Variants in HIPK2 observed in about 807,000 individuals in gnomAD.
HIPK2 encodes the protein homeodomain interacting protein kinase 2, also known as homeodomain-interacting protein kinase 2.
Under a neutral mutation model 113.7 loss-of-function variants are expected in HIPK2, and 27 were observed. That is an observed-to-expected ratio of 0.24 (90% CI 0.17 to 0.33). The LOEUF (loss-of-function observed/expected upper bound fraction) is 0.33. Among genes scored for constraint, HIPK2 ranks in the 10% least tolerant of loss-of-function variants. HIPK2 has a pLI of 1.00. For synonymous variants in HIPK2, 631 were observed against 642.2 expected (o/e 0.98, Z 0.26); for missense variants, 1,257 against 1,588.0 (o/e 0.79, Z 3.54).
chr7:139,770,049 T>C (rs1330601905), intron 1 of HIPK2, among the ~76,000 whole-genome samples: 1 of 152,224 alleles, frequency 6.6e-6, no homozygotes, highest in Non-Finnish European at 1.5e-5. Flanking sequence ...TGACACTTAC[T>C]ATCCTCCAGA....
At chr7:139,743,919 T>A (rs1415356650) in intron 1 of HIPK2, among the ~76,000 whole-genome samples, 3 of 152,150 alleles carry the variant, frequency 2.0e-5, no homozygotes, top group African/African-American at 4.8e-5. Flanking sequence ...TATAAAGAAC[T>A]CTTACAACTC....
intron 2 of HIPK2, among the ~76,000 whole-genome samples, chr7:139,635,953 C>G (rs1050649054): frequency 2.0e-5 from 3 of 152,220 alleles, no homozygotes; most frequent in African/African-American, 7.2e-5. Context: ...GTTCTCAGCT[C>G]CCCTTCAAGG....
In HIPK2 at chr7:139,571,318, G is replaced by C. The variant is rs1274379630; in HGVS notation, c.*1609C>G. On this transcript the variant is annotated 3_prime_UTR_variant, in exon 15 of 15. Transcript: ENST00000406875. Reference sequence around the variant, plus strand: ...GAGAGCTCCAGGCTCTCGTGGAGGCGGGAGGGACTGGGGGATGCCGCCTGG... The same window carrying C: ...GAGAGCTCCAGGCTCTCGTGGAGGCCGGAGGGACTGGGGGATGCCGCCTGG... The C allele has an allele frequency of 6.6e-6, 1 of 152,350 alleles. No homozygotes were observed. Among genetic ancestry groups the C allele is most frequent in the Non-Finnish European group, 1.5e-5 (1 of 68,142 alleles). The allele number at this position is 152,350 out of a possible 1,614,324, so 9.4% of individuals were successfully genotyped here. A position where few individuals can be genotyped will look rare whatever the true frequency, so the allele number is the denominator to read the frequency against.
In HIPK2 at chr7:139,714,435, G is replaced by C. The variant is rs955216979; in HGVS notation, c.1103+1497C>G. On this transcript the variant is annotated intron_variant, in intron 2 of 14. Transcript: ENST00000406875. This position sits in a 1 kb window ranked among gnomAD's most constrained non-coding sequence, Gnocchi z 4.2. ...GCCTGGTGCCCAGCAGGCTGAGGGA[G>C]GGGCTGGGAGGAGACTTGCAACAGC... is the stretch of plus-strand genomic sequence containing the variant. Among the ~76,000 whole-genome samples the C allele has an allele frequency of 1.3e-5, 2 of 152,208 alleles. No homozygotes were observed. The highest frequency in any genetic ancestry group is 1.5e-5 in the Non-Finnish European group (1 of 68,028).
chr7:139,598,816 G>C lies in HIPK2; in HGVS notation c.2435+1601C>G, dbSNP rs1799314060. Among the ~76,000 whole-genome samples, 4 of 152,332 alleles carry C rather than the reference G, an allele frequency of 2.6e-5. 1 individual carries two copies. The South Asian group carries it at 8.3e-4, about 32-fold the overall frequency. ...ACAGAGTAGTGCTCCATGTGACCTT[G>C]CTGGGCATGACAGCCCATGAGGATT... On this transcript the variant is annotated intron_variant, in intron 11 of 14. Transcript: ENST00000406875.
chr7:139,645,803 T>C (rs550249427), intron 2 of HIPK2, among the ~76,000 whole-genome samples: 3 of 152,298 alleles, frequency 2.0e-5, no homozygotes, highest in South Asian at 2.1e-4. Context: ...AATGTGGCCA[T>C]GGCCCGTCTG....
chr7:139,771,888 GA>G (rs777414013), intron 1 of HIPK2, among the ~76,000 whole-genome samples: 2 of 152,304 alleles, frequency 1.3e-5, no homozygotes, highest in South Asian at 4.1e-4. Flanking sequence ...TTGAGTAAAA[GA>G]AAACAAGTTT....
chr7:139,770,979 A>G (rs776001063), intron 1 of HIPK2, among the ~76,000 whole-genome samples: 3 of 152,238 alleles, frequency 2.0e-5, no homozygotes, highest in African/African-American at 4.8e-5. Flanking sequence ...TTCTAAGGGC[A>G]AAGATATCTG....
At chr7:139,652,299 G>T (rs781440925) in intron 2 of HIPK2, among the ~76,000 whole-genome samples, 24 of 152,190 alleles carry the variant, frequency 1.6e-4, no homozygotes, top group Non-Finnish European at 2.8e-4. Flanking sequence ...CGCTGCTCAC[G>T]AGTGGCTTTG....
chr7:139,773,752 G>C (rs1796692738), intron 1 of HIPK2, among the ~76,000 whole-genome samples: 1 of 152,208 alleles, frequency 6.6e-6, no homozygotes, highest in African/African-American at 2.4e-5. Context: ...CCTGGCTTGT[G>C]GTGGGCGAGG....
rs150830944 is a variant in HIPK2, at chr7:139,741,476, A to G, written c.20-24461T>C. 4.6e-5 allele frequency among the ~76,000 whole-genome samples: 7 copies of G among 152,244 alleles called. No homozygotes were observed. In the East Asian group the frequency reaches 1.3e-3, roughly 29 times the overall value. ...TGGCATTATTTTTGTTTTTGAAGATATTGTATTTCAAAAGCAAACTGCTAC... is the reference window on the plus strand; with the variant it reads ...TGGCATTATTTTTGTTTTTGAAGATGTTGTATTTCAAAAGCAAACTGCTAC... On this transcript the variant is annotated intron_variant, in intron 1 of 14. Transcript: ENST00000406875.
At chr7:139,718,971 C>G (rs952098240) in intron 1 of HIPK2, among the ~76,000 whole-genome samples, 3 of 152,096 alleles carry the variant, frequency 2.0e-5, no homozygotes, top group African/African-American at 7.2e-5. Flanking sequence ...ATTGCCTAAT[C>G]CAATGGCCTT....
rs1800153313 is a variant in HIPK2, at chr7:139,619,150, T to A, written c.1782+1251A>T. On this transcript the variant is annotated intron_variant, in intron 7 of 14. Transcript: ENST00000406875. ...GAAAAGCTAGGCCTGAGCAGGCCAA[T>A]GTGCCACAAGGATGGCCTAGGGGAA... Among the ~76,000 whole-genome samples the A allele has an allele frequency of 3.9e-5, 6 of 152,182 alleles. No individual in the cohort carries two copies. The South Asian group carries it at 1.2e-3, about 32-fold the overall frequency.
At chr7:139,605,747 C>A (rs1200093470) in intron 9 of HIPK2, among the ~76,000 whole-genome samples, 1 of 152,166 alleles carries the variant, frequency 6.6e-6, no homozygotes, top group Admixed American at 6.5e-5. Context: ...AGGGACCATG[C>A]GCATACCATG....
intron 1 of HIPK2, among the ~76,000 whole-genome samples, chr7:139,772,126 A>G (rs991581083): frequency 1.6e-4 from 25 of 152,218 alleles, no homozygotes; most frequent in African/African-American, 5.8e-4. Flanking sequence ...ATGCCCCTGA[A>G]GCTAGGTCAG....
At chr7:139,763,418 G>A (rs936621941) in intron 1 of HIPK2, among the ~76,000 whole-genome samples, 6 of 151,336 alleles carry the variant, frequency 4.0e-5, no homozygotes, top group African/African-American at 9.7e-5. Context: ...CTACAGACTG[G>A]ACACCAAATT....
At chr7:139,755,584 T>A (rs1796349138) in intron 1 of HIPK2, among the ~76,000 whole-genome samples, 2 of 152,250 alleles carry the variant, frequency 1.3e-5, no homozygotes, top group African/African-American at 4.8e-5. Context: ...TTCTTCCTTT[T>A]TTCTCCCTCA....
At position 139,747,499 on chromosome 7, in the gene HIPK2, AC is replaced by A. The variant is rs575658911; in HGVS notation, c.19+30105del. Among the ~76,000 whole-genome samples the A allele has an allele frequency of 2.0e-5, 3 of 152,220 alleles. No individual in the cohort carries two copies. In the East Asian group the frequency reaches 5.8e-4, roughly 29 times the overall value. On this transcript the variant is annotated intron_variant, in intron 1 of 14. Coordinates refer to ENST00000406875, the MANE Select transcript of HIPK2 (RefSeq NM_022740.5). ...GGCTTTTCTTCAAGTATCTTAATCT[AC>A]CCCATCTCTATCGAGCACTAAACCA...
intron 1 of HIPK2, among the ~76,000 whole-genome samples, chr7:139,732,858 TCCC>T (rs1795836857): frequency 6.7e-6 from 1 of 150,220 alleles, no homozygotes; most frequent in Non-Finnish European, 1.5e-5. Context: ...AAATAGTGAG[TCCC>T]TGATATGGTT....
Sources: allele counts gnomAD v4.1 joint callset (sites outside exome capture counted in the v4.1 genomes callset), GRCh38; gene constraint gnomAD v4.1.1; non-coding constraint Gnocchi (gnomAD v3.1); transcripts MANE v1.5; gene names NCBI Gene and HGNC (gene_info 2026-07-23, HGNC 2026-07-21).